PKHD1: variants seen among roughly 807,000 people sequenced by gnomAD.
The protein encoded by PKHD1 is PKHD1 ciliary IPT domain containing fibrocystin/polyductin.
A neutral mutation model predicts 412.0 loss-of-function variants in PKHD1; 291 were observed. The observed-to-expected ratio is 0.71, with a 90% CI of 0.64 to 0.78. PKHD1 has a LOEUF of 0.78. Among genes scored for constraint, PKHD1 ranks in the 30% least tolerant of loss-of-function variants. The pLI is 0.00. For synonymous variants in PKHD1, 1,777 were observed against 1,821.5 expected, an observed-to-expected ratio of 0.98 and a Z score of 0.62; for missense variants, 4,825 against 4,950.7, an observed-to-expected ratio of 0.97 and a Z score of 0.76.
At chr6:51,967,890 C>G (rs1056869690) in intron 35 of PKHD1, among the ~76,000 whole-genome samples, 4 of 152,196 alleles carry the variant, frequency 2.6e-5, no homozygotes, top group African/African-American at 7.2e-5. Context: ...GTTATTTCCC[C>G]ATGCAATGGA....
intron 52 of PKHD1, among the ~76,000 whole-genome samples, chr6:51,817,080 T>A (rs1765580591): frequency 6.6e-6 from 1 of 152,094 alleles, no homozygotes; most frequent in Admixed American, 6.5e-5. Context: ...GCTTCCAGGA[T>A]AGCCTTGGCC....
At chr6:52,057,727 C>A (rs1230080319) in intron 16 of PKHD1, among the ~76,000 whole-genome samples, 1 of 152,122 alleles carries the variant, frequency 6.6e-6, no homozygotes, top group East Asian at 1.9e-4. Flanking sequence ...CTTTTAATCT[C>A]TTAAATCAAT....
rs1316267675 is a variant in PKHD1 at position 51,616,699 on chromosome 6, C to G, written c.*2382G>C. 1 of 398,278 alleles carries G rather than the reference C, an allele frequency of 2.5e-6. No individual in the cohort carries two copies. The highest frequency in any genetic ancestry group is 4.4e-5 in the Admixed American group (1 of 22,692). 24.7% of individuals were successfully genotyped at this position (398,278 alleles called of 1,614,324 possible). A position where few individuals can be genotyped will look rare whatever the true frequency, so the allele number is the denominator to read the frequency against. On this transcript the variant is annotated 3_prime_UTR_variant, in exon 67 of 67. Coordinates refer to ENST00000371117, the MANE Select transcript of PKHD1 (RefSeq NM_138694.4). The stretch of plus-strand genomic sequence containing the variant: ...CTGGCCTCAGGGATCACAGGCTTTT[C>G]TGGGATGGAATTAGTAAGATAATTA...
intron 64 of PKHD1, among the ~76,000 whole-genome samples, chr6:51,637,564 G>A (rs1183198171): frequency 1.3e-5 from 2 of 151,454 alleles, no homozygotes; most frequent in Non-Finnish European, 2.9e-5. Flanking sequence ...TATAGCCAGG[G>A]AGCAATAATA....
At chr6:51,912,705 C>G (rs537353948) in intron 37 of PKHD1, 129 bp from the exon 38 acceptor site, 1 of 735,578 alleles carries the variant, frequency 1.4e-6, no homozygotes, top group African/African-American at 1.7e-5. Flanking sequence ...GAAAAGCAAG[C>G]TTCAGGATAG....
At chr6:51,650,601 A>G (rs898584924) in intron 61 of PKHD1, among the ~76,000 whole-genome samples, 2 of 152,142 alleles carry the variant, frequency 1.3e-5, no homozygotes, top group African/African-American at 4.8e-5. Flanking sequence ...AAAAGTGAAG[A>G]TTTGTTCTGA....
intron 60 of PKHD1, among the ~76,000 whole-genome samples, chr6:51,676,935 G>A (rs964034059): frequency 2.0e-5 from 3 of 152,280 alleles, no homozygotes; most frequent in East Asian, 1.9e-4. Context: ...CATATTGAGA[G>A]TGATGTTCTT....
intron 35 of PKHD1, among the ~76,000 whole-genome samples, chr6:51,982,880 T>TAAAAATAAAAATA (rs777201105): frequency 7.4e-6 from 1 of 135,948 alleles, no homozygotes; most frequent in East Asian, 2.1e-4. Flanking sequence ...TAAAATAAAA[T>TAAAAATAAAAATA]AAAATAAAAT....
intron 6 of PKHD1, among the ~76,000 whole-genome samples, chr6:52,075,235 C>T (rs1337986655): frequency 6.6e-6 from 1 of 152,224 alleles, no homozygotes; most frequent in East Asian, 1.9e-4. Context: ...TTTAAATTCA[C>T]TCATACATAA....
intron 60 of PKHD1, among the ~76,000 whole-genome samples, chr6:51,735,808 C>T (rs1783769785): frequency 6.6e-6 from 1 of 151,908 alleles, no homozygotes; most frequent in Non-Finnish European, 1.5e-5. Flanking sequence ...GTGACATGTG[C>T]CTGTAGTCAC....
chr6:51,886,049 A>G (rs1410471017), intron 44 of PKHD1, 77 bp from the exon 45 acceptor site: 5 of 884,576 alleles, frequency 5.7e-6, no homozygotes, highest in Non-Finnish European at 9.4e-6. Context: ...GAAAAATACA[A>G]AGTAAAAGTA....
At position 52,056,764 on chromosome 6, in the gene PKHD1, G is replaced by GTAAC. The variant is rs1554216499; in HGVS notation, c.1623_1626dup (p.Leu543ValfsTer14). ...GGTTCCAGTTTGCATTTTACTGCAA[G>GTAAC]TAACTCCTCAATGGTTGTTTGAATC... is the stretch of plus-strand genomic sequence containing the variant. On this transcript the variant is annotated frameshift_variant, in exon 18 of 67. Transcript: ENST00000371117. LOFTEE classifies it high-confidence loss of function. 6.2e-7 allele frequency: 1 copy of GTAAC among 1,613,070 alleles called. No individual in the cohort carries two copies. Among genetic ancestry groups the GTAAC allele is most frequent in the Non-Finnish European group, 8.5e-7 (1 of 1,179,148 alleles).
chr6:51,782,451 T>C (rs1326555), intron 53 of PKHD1, among the ~76,000 whole-genome samples: 88,518 of 151,436 alleles, frequency 0.58, 26,582 homozygotes, highest in East Asian at 0.83. Context: ...TAGTGTTTCC[T>C]GAACCTCTAA....
At position 51,744,410 on chromosome 6, in the gene PKHD1, T is replaced by C; in HGVS notation, c.10131A>G (p.Glu3377=). 6.2e-7 allele frequency: 1 copy of C among 1,614,016 alleles called. No homozygotes were observed. The highest frequency in any genetic ancestry group is 2.2e-5 in the East Asian group (1 of 44,882). The stretch of plus-strand genomic sequence containing the variant: ...CTGCGTTGAAGAAGGATGCAGTCCA[T>C]TCTGCCTCTGTTTTAGGAAATACAG... The part of the protein sequence containing the change: ...PVSVFPKTEA[E]WTASFFNAGT... The change falls in exon 60 of 67, where the codon GAA becomes GAG. Residue 3377 remains glutamate (E), a synonymous_variant. Transcript: ENST00000371117.
chr6:52,083,041 G>T, intron 3 of PKHD1, 137 bp downstream of exon 3: 1 of 703,650 alleles, frequency 1.4e-6, no homozygotes. Context: ...AAAGACAGAA[G>T]TTGGTCAGTC....
intron 52 of PKHD1, among the ~76,000 whole-genome samples, chr6:51,829,781 C>T (rs1263670729): frequency 6.6e-6 from 1 of 152,002 alleles, no homozygotes; most frequent in Non-Finnish European, 1.5e-5. Flanking sequence ...ATACAGTGAC[C>T]CTCCTTTATT....
At chr6:51,917,427 G>T (rs114864632) in intron 37 of PKHD1, among the ~76,000 whole-genome samples, 1,529 of 152,122 alleles carry the variant, frequency 0.01, 28 homozygotes, top group African/African-American at 0.034. Flanking sequence ...CAAACACAAA[G>T]AACAGAGTCC....
rs142195422 is a variant in PKHD1 at position 52,079,420 on chromosome 6, G to A, written c.390+480C>T. 2.5e-3 allele frequency among the ~76,000 whole-genome samples: 386 copies of A among 152,284 alleles called. 1 individual carries two copies. Among genetic ancestry groups the A allele is most frequent in the African/African-American group, 8.9e-3 (371 of 41,576 alleles). On this transcript the variant is annotated intron_variant, in intron 5 of 66. Transcript: ENST00000371117. Reference sequence around the variant, plus strand: ...AAATTGGGTCTCCTCACCAAGGAACGTGGGGCCTTGAGTCTCTTCAACATG... The same window carrying A: ...AAATTGGGTCTCCTCACCAAGGAACATGGGGCCTTGAGTCTCTTCAACATG...
intron 53 of PKHD1, among the ~76,000 whole-genome samples, chr6:51,780,151 G>T (rs144804767): frequency 1.0e-3 from 155 of 152,210 alleles, no homozygotes; most frequent in African/African-American, 3.6e-3. Context: ...ACTCTGGGAG[G>T]CCGAGGCAGG....
Sources: allele counts gnomAD v4.1 joint callset (sites outside exome capture counted in the v4.1 genomes callset), GRCh38; gene constraint gnomAD v4.1.1; transcripts MANE v1.5; gene names NCBI Gene and HGNC (gene_info 2026-07-23, HGNC 2026-07-21).